The following C5 variants were observed in gnomAD, a reference collection of about 807,000 sequenced individuals.
C5 encodes complement C5, also known as C3 and PZP-like alpha-2-macroglobulin domain-containing protein 4.
Under a neutral mutation model 218.8 loss-of-function variants are expected in C5, and 140 were observed. That is an observed-to-expected ratio of 0.64 (90% confidence interval 0.56 to 0.74). C5 has a LOEUF of 0.74. C5 is among the 30% of genes least tolerant of loss of function. C5 has a pLI of 0.00. For missense variants in C5, 1,700 were observed against 1,969.6 expected, an observed-to-expected ratio of 0.86 and a Z score of 2.59; for synonymous variants, 614 against 682.3, an observed-to-expected ratio of 0.90 and a Z score of 1.56.
Position 120,973,960 on chromosome 9 carries a change from C to T in C5, c.4017+819G>A, listed in dbSNP as rs549443138. ...TGCACTCCAGCCTGGGCAACAAGAG[C>T]GAAACTCCATCTCAAAAAAAAAAAA... On this transcript the variant is annotated intron_variant, in intron 30 of 40. Coordinates refer to ENST00000223642, the MANE Select transcript of C5 (RefSeq NM_001735.3). 4.7e-5 allele frequency among the ~76,000 whole-genome samples: 7 copies of T among 149,122 alleles called. No homozygotes were observed. The South Asian group carries it at 1.0e-3, about 22-fold the overall frequency.
intron 1 of C5, among the ~76,000 whole-genome samples, chr9:121,048,058 T>G (rs1456710776): frequency 6.6e-6 from 1 of 152,186 alleles, no homozygotes; most frequent in Non-Finnish European, 1.5e-5. Context: ...TCACAAATTA[T>G]AGAATTAGAA....
intron 2 of C5, among the ~76,000 whole-genome samples, chr9:121,045,208 T>A (rs1411375574): frequency 6.6e-6 from 1 of 152,152 alleles, no homozygotes; most frequent in African/African-American, 2.4e-5. Context: ...ATTAAAGAAT[T>A]CCTATGTTTG....
rs747276237 is a variant in C5 at position 120,989,735 on chromosome 9, C to T, written c.2987G>A (p.Gly996Asp). The T allele has an allele frequency of 8.7e-6, 14 of 1,614,038 alleles. No homozygotes were observed. The East Asian group carries it at 1.6e-4, about 18-fold the overall frequency. ...GGGGAGGTGGGTTAGGATATTGATG[C>T]CTTCCTGACTTAGAACTGCAGACAA... ...EILSAVLSQE[G>D]INILTHLPKG... Residue 996 changes from glycine (G) to aspartate (D), a missense_variant, in exon 24 of 41, where the codon GGC becomes GAC. Gly to Asp is a moderately conservative substitution (Grantham distance 94). Coordinates refer to ENST00000223642, the MANE Select transcript of C5 (RefSeq NM_001735.3).
chr9:120,985,448 T>G (rs1021025118), intron 25 of C5, among the ~76,000 whole-genome samples: 4 of 152,172 alleles, frequency 2.6e-5, no homozygotes, highest in Admixed American at 6.5e-5. Flanking sequence ...TTCTATCTCC[T>G]GGGATATACC....
chr9:120,980,254 T>C lies in C5; in HGVS notation c.3487A>G (p.Lys1163Glu). Reference protein sequence around the residue: ...RKAFDICPLVKIDTALIKADN... With the variant: ...RKAFDICPLVEIDTALIKADN... ...GCTTTAATTAGAGCTGTGTCGATTT[T>C]CTGGAAACAAGAGAAGATACTTCAG... Residue 1163 changes from lysine to glutamate, a missense_variant and splice_region_variant, in exon 28 of 41, where the codon AAA becomes GAA. Coordinates refer to ENST00000223642, the MANE Select transcript of C5 (RefSeq NM_001735.3). 6.2e-7 allele frequency: 1 copy of C among 1,614,084 alleles called. No homozygotes were observed. Among genetic ancestry groups the C allele is most frequent in the Non-Finnish European group, 8.5e-7 (1 of 1,179,900 alleles).
chr9:121,005,754 A>G (rs959477894), intron 20 of C5, among the ~76,000 whole-genome samples, 165 bp downstream of exon 20: 4 of 152,118 alleles, frequency 2.6e-5, no homozygotes, highest in Non-Finnish European at 5.9e-5. Context: ...CATCCCTTTA[A>G]TTCACATCCC....
At chr9:121,013,163 T>C (rs929443986) in intron 17 of C5, among the ~76,000 whole-genome samples, 1 of 151,888 alleles carries the variant, frequency 6.6e-6, no homozygotes, top group Admixed American at 6.6e-5. Context: ...CTACTAAAAA[T>C]ACAAAAATTA....
chr9:121,046,986 G>A (rs2047633322), intron 1 of C5, among the ~76,000 whole-genome samples: 1 of 152,116 alleles, frequency 6.6e-6, no homozygotes, highest in Admixed American at 6.6e-5. Context: ...AACGGATAAC[G>A]GAAAGGATAG....
chr9:121,040,807 C>T (rs1304005493), intron 3 of C5, among the ~76,000 whole-genome samples: 1 of 152,136 alleles, frequency 6.6e-6, no homozygotes, highest in Non-Finnish European at 1.5e-5. Flanking sequence ...GTGACTTGAA[C>T]CCAGACAATC....
At position 121,019,964 on chromosome 9, in the gene C5, T is replaced by C; in HGVS notation, c.1506+12A>G. On this transcript the variant is annotated intron_variant, in intron 12 of 40. Coordinates refer to ENST00000223642, the MANE Select transcript of C5 (RefSeq NM_001735.3). Reference sequence around the variant, plus strand: ...GGGGGAATAAGATGTAAATCCATCATTATGTACTTACCAAGTAATTATAGT... The same window carrying C: ...GGGGGAATAAGATGTAAATCCATCACTATGTACTTACCAAGTAATTATAGT... The C allele has an allele frequency of 6.6e-7, 1 of 1,504,102 alleles. No homozygotes were observed. The highest frequency in any genetic ancestry group is 1.1e-5 in the South Asian group (1 of 88,910). 93.2% of individuals were successfully genotyped at this position (1,504,102 alleles called of 1,614,324 possible). A position where few individuals can be genotyped will look rare whatever the true frequency, so the allele number is the denominator to read the frequency against.
At chr9:121,007,017 T>C (rs954424301) in intron 18 of C5, 40 bp from the exon 19 acceptor site, 18 of 1,448,730 alleles carry the variant, frequency 1.2e-5, no homozygotes, top group Admixed American at 6.7e-5. Flanking sequence ...CAGTGGAATA[T>C]TGATTAACCC....
At chr9:121,037,473 C>T (rs896474589) in intron 4 of C5, among the ~76,000 whole-genome samples, 8 of 151,894 alleles carry the variant, frequency 5.3e-5, no homozygotes, top group Non-Finnish European at 1.0e-4. Context: ...GCCACTGCAC[C>T]AGCTAATTTT....
intron 24 of C5, 95 bp from the exon 25 acceptor site, chr9:120,989,216 T>C: frequency 1.0e-6 from 1 of 986,718 alleles, no homozygotes; most frequent in Non-Finnish European, 1.6e-6. Context: ...AAGCTTCCTT[T>C]GGTGTTGGGC....
At position 121,003,223 on chromosome 9, in the gene C5, G is replaced by A. The variant is rs193210541; in HGVS notation, c.2562+2696C>T. Among the ~76,000 whole-genome samples, 364 of 152,058 alleles carry A rather than the reference G, an allele frequency of 2.4e-3. 3 individuals carry two copies. Among genetic ancestry groups the A allele is most frequent in the Non-Finnish European group, 3.8e-3 (260 of 67,972 alleles). ...GGAGAATCACTTGAACTTGGGAAGCGGAGGCTGCAGTGAACCGAGATTGTG... is the reference window on the plus strand; with the variant it reads ...GGAGAATCACTTGAACTTGGGAAGCAGAGGCTGCAGTGAACCGAGATTGTG... On this transcript the variant is annotated intron_variant, in intron 20 of 40. Coordinates refer to ENST00000223642, the MANE Select transcript of C5 (RefSeq NM_001735.3).
chr9:120,989,082 G>C lies in C5; in HGVS notation c.3194C>G (p.Ser1065Cys), dbSNP rs549543868. The change falls in exon 25 of 41, where the codon TCT becomes TGT. Residue 1065 changes from serine to cysteine, a missense_variant. By Grantham distance (112) the Ser-to-Cys change is moderately radical. Transcript: ENST00000223642. ...SIMSYRNADYSYSVWKGGSAS... is the reference protein window; with the variant it reads ...SIMSYRNADYCYSVWKGGSAS... ...ACTTCCACCCTTCCACACACTGTAAGAGTAGTCAGCATTTCTGTAGGACAT... is the reference window on the plus strand; with the variant it reads ...ACTTCCACCCTTCCACACACTGTAACAGTAGTCAGCATTTCTGTAGGACAT... 6.2e-7 allele frequency: 1 copy of C among 1,613,904 alleles called. No individual in the cohort carries two copies. Among genetic ancestry groups the C allele is most frequent in the Admixed American group, 1.7e-5 (1 of 60,018 alleles).
chr9:120,971,251 A>G (rs1465407917), intron 31 of C5, among the ~76,000 whole-genome samples: 1 of 151,780 alleles, frequency 6.6e-6, no homozygotes, highest in Non-Finnish European at 1.5e-5. Flanking sequence ...AATAACACAT[A>G]AATCCCCCAA....
At chr9:121,002,220 A>ATATATG (rs2047169616) in intron 20 of C5, among the ~76,000 whole-genome samples, 2 of 47,276 alleles carry the variant, frequency 4.2e-5, no homozygotes, top group Non-Finnish European at 8.9e-5. Context: ...ATATACGTAT[A>ATATATG]TATATATATG....
chr9:120,982,087 C>T, intron 26 of C5, 148 bp from the exon 27 acceptor site: 2 of 686,730 alleles, frequency 2.9e-6, no homozygotes, highest in Non-Finnish European at 2.7e-6. Context: ...TCTTGGCTCA[C>T]TGCAACCTCC....
At chr9:121,031,203 G>A (rs936145568) in intron 6 of C5, among the ~76,000 whole-genome samples, 3 of 152,054 alleles carry the variant, frequency 2.0e-5, no homozygotes, top group African/African-American at 7.2e-5. Context: ...TGATAGCAGA[G>A]CACACAGAAA....
Sources: gnomAD v4.1 joint callset for allele counts (sites outside exome capture counted in the v4.1 genomes callset) on GRCh38, gnomAD v4.1.1 for gene constraint, MANE v1.5 for transcripts, NCBI Gene and HGNC (gene_info 2026-07-23, HGNC 2026-07-21) for gene names.